Variants in ANK3 observed in about 807,000 individuals in gnomAD.
ANK3 encodes the protein ankyrin-3.
A neutral mutation model predicts 370.9 loss-of-function variants in ANK3; 57 were observed. The ratio of observed to expected loss-of-function variants is 0.15; its 90% confidence interval spans 0.12 to 0.19. The LOEUF is 0.19. Among genes scored for constraint, ANK3 ranks in the 10% least tolerant of loss-of-function variants. ANK3 has a pLI of 1.00. For synonymous variants in ANK3, 1,929 were observed against 1,946.3 expected (o/e 0.99, Z 0.23); for missense variants, 4,439 against 5,302.1 (o/e 0.84, Z 5.06).
intron 23 of ANK3, chr10:60,140,053 G>A (rs1459228064): frequency 1.7e-5 from 8 of 458,624 alleles, no homozygotes; most frequent in Non-Finnish European, 3.1e-5. Context: ...TTTCTCAAAG[G>A]TAAGTGATTC....
chr10:60,063,114 C>G lies in ANK3; in HGVS notation c.12592G>C (p.Asp4198His). Residue 4198 changes from aspartate to histidine, a missense_variant, in exon 40 of 44, where the codon GAT becomes CAT. Around this residue, in one of 13 missense-constraint regions of ANK3, gnomAD observed 242 missense variants for 228.0 expected, o/e 1.06. Transcript: ENST00000280772. ...TATGAACACTAAATTCGATTACCAT[C>G]AACAGGGTCATGGAAAACATTGTTC... ...DENNVFHDPVDGWQNETSSGN... is the reference protein window; with the variant it reads ...DENNVFHDPVHGWQNETSSGN... 1 of 1,610,322 alleles carries G rather than the reference C, an allele frequency of 6.2e-7. No homozygotes were observed. The highest frequency in any genetic ancestry group is 1.1e-5 in the South Asian group (1 of 89,994).
At chr10:60,387,245 G>T (rs2062509507) in intron 1 of ANK3, among the ~76,000 whole-genome samples, 1 of 152,196 alleles carries the variant, frequency 6.6e-6, no homozygotes, top group Middle Eastern at 3.4e-3. Flanking sequence ...TTTAGAAGCA[G>T]CATTTTTTAT....
intron 38 of ANK3, 41 bp downstream of exon 38, chr10:60,067,894 G>A: frequency 1.3e-6 from 2 of 1,495,806 alleles, no homozygotes; most frequent in Non-Finnish European, 1.8e-6. Flanking sequence ...ACAAAGAAAT[G>A]AAGAAACTAA....
chr10:60,068,635 A>G lies in ANK3; in HGVS notation c.12244+2T>C. ...GAGAGACCTGACTGCCTTCATTCTC[A>G]CCAGTCCTTCTACTGCTCCTTTTCT... On this transcript the variant is annotated splice_donor_variant, in intron 37 of 43. Transcript: ENST00000280772. LOFTEE classifies it high-confidence loss of function. 1 of 1,598,104 alleles carries G rather than the reference A, an allele frequency of 6.3e-7. No homozygotes were observed. Among genetic ancestry groups the G allele is most frequent in the Non-Finnish European group, 8.5e-7 (1 of 1,171,616 alleles).
rs1056057480 is a variant in ANK3 at position 60,074,860 on chromosome 10, G to A, written c.6021C>T (p.Ser2007=). 1.2e-6 allele frequency: 2 copies of A among 1,613,562 alleles called. No homozygotes were observed. Among genetic ancestry groups the A allele is most frequent in the Non-Finnish European group, 8.5e-7 (1 of 1,179,918 alleles). The change falls in exon 37 of 44, where the codon AGC becomes AGT. Residue 2007 remains serine (S), a synonymous_variant. Transcript: ENST00000280772. ...CTCTCTCTGGCAGAGATGGAGACTG[G>A]CTCGCAGCAGCTTGTTGTCTGGCTT... ...IREARQQAAA[S]QSPSLPERVQ...
chr10:60,448,859 A>G (rs1394900044), intron 2 of ANK3, among the ~76,000 whole-genome samples: 1 of 152,236 alleles, frequency 6.6e-6, no homozygotes, highest in Admixed American at 6.5e-5. Context: ...ATATTCACAG[A>G]TTATTCAGAG....
At position 60,074,830 on chromosome 10, in the gene ANK3, T is replaced by C; in HGVS notation, c.6051A>G (p.Gln2017=). ...TTTCGGAGGCGGCTTTTGCTTTTAC[T>C]TGCACTCTCTCTGGCAGAGATGGAG... ...SQSPSLPERV[Q]VKAKAASEKD... Residue 2017 remains glutamine (Q), a synonymous_variant, in exon 37 of 44, where the codon CAA becomes CAG. Transcript: ENST00000280772. 2 of 1,613,786 alleles carry C rather than the reference T, an allele frequency of 1.2e-6. No homozygotes were observed. Among genetic ancestry groups the C allele is most frequent in the Non-Finnish European group, 8.5e-7 (1 of 1,179,932 alleles).
At chr10:60,300,497 A>G in intron 1 of ANK3, 1 of 1,253,004 alleles carries the variant, frequency 8.0e-7, no homozygotes. Flanking sequence ...AGAAGCAACT[A>G]ACTAGAGTAT....
chr10:60,569,448 C>T (rs2077540025), intron 2 of ANK3, among the ~76,000 whole-genome samples: 1 of 152,132 alleles, frequency 6.6e-6, no homozygotes, highest in African/African-American at 2.4e-5. Flanking sequence ...GCACCCAGGT[C>T]TCTTCAAGCA....
At chr10:60,089,814 T>A (rs149689551) in intron 28 of ANK3, among the ~76,000 whole-genome samples, 1 of 152,050 alleles carries the variant, frequency 6.6e-6, no homozygotes, top group Non-Finnish European at 1.5e-5. Context: ...ACTGAATATA[T>A]ATAAATCCAC....
chr10:60,250,836 T>A (rs1421018029), intron 7 of ANK3, among the ~76,000 whole-genome samples: 1 of 152,204 alleles, frequency 6.6e-6, no homozygotes, highest in African/African-American at 2.4e-5. Context: ...ATGTATTTAA[T>A]TTATCTCACA....
At chr10:60,102,439 C>G (rs1275195359) in intron 28 of ANK3, among the ~76,000 whole-genome samples, 1 of 152,098 alleles carries the variant, frequency 6.6e-6, no homozygotes, top group Non-Finnish European at 1.5e-5. Flanking sequence ...CACATTTAAA[C>G]CAAGGCTCAG....
At chr10:60,041,438 G>T (rs2076072897) in intron 43 of ANK3, among the ~76,000 whole-genome samples, 1 of 152,200 alleles carries the variant, frequency 6.6e-6, no homozygotes, top group African/African-American at 2.4e-5. Context: ...GCTTGTTCGG[G>T]TTTGTATCCT....
chr10:60,514,085 T>C (rs2076155775), intron 2 of ANK3, among the ~76,000 whole-genome samples: 1 of 152,188 alleles, frequency 6.6e-6, no homozygotes, highest in Non-Finnish European at 1.5e-5. Flanking sequence ...TCCCTCCTTA[T>C]AATTTTCTTA....
rs933687068 is a variant in ANK3 at position 60,186,707 on chromosome 10, T to A, written c.2085+8A>T. 1.2e-6 allele frequency: 2 copies of A among 1,613,698 alleles called. No homozygotes were observed. Among genetic ancestry groups the A allele is most frequent in the Non-Finnish European group, 1.7e-6 (2 of 1,179,748 alleles). On this transcript the variant is annotated splice_region_variant and intron_variant, in intron 17 of 43. Coordinates refer to ENST00000280772, the MANE Select transcript of ANK3 (RefSeq NM_020987.5). The stretch of plus-strand genomic sequence containing the variant: ...GCTGCATGCTTTGTCAAGAAAGAAG[T>A]GGGTTACCTTATTGCTCAGGTTCAC...
chr10:60,139,059 G>C lies in ANK3; in HGVS notation c.2643C>G (p.Asp881Glu). 6.2e-7 allele frequency: 1 copy of C among 1,613,706 alleles called. No individual in the cohort carries two copies. Among genetic ancestry groups the C allele is most frequent in the Admixed American group, 1.7e-5 (1 of 59,978 alleles). Residue 881 changes from aspartate to glutamate, a missense_variant, in exon 24 of 44, where the codon GAC becomes GAG. This residue lies in a region of ANK3 where 702 missense variants were observed against 941.5 expected (regional missense o/e 0.75). Coordinates refer to ENST00000280772, the MANE Select transcript of ANK3 (RefSeq NM_020987.5). Reference protein sequence around the residue: ...EGEDAMTGDTDKYLGPQDLKE... With the variant: ...EGEDAMTGDTEKYLGPQDLKE... Reference sequence around the variant, plus strand: ...TAAGGTCCTGTGGCCCAAGATATTTGTCTGTGTCCCCGGTCATTGCATCTT... The same window carrying C: ...TAAGGTCCTGTGGCCCAAGATATTTCTCTGTGTCCCCGGTCATTGCATCTT...
intron 29 of ANK3, among the ~76,000 whole-genome samples, chr10:60,087,198 A>G (rs896016420): frequency 6.6e-6 from 1 of 152,188 alleles, no homozygotes; most frequent in Non-Finnish European, 1.5e-5. Flanking sequence ...TTAAAGGACA[A>G]TAAATGCTGA....
chr10:60,073,661 A>G lies in ANK3; in HGVS notation c.7220T>C (p.Leu2407Pro). Reference sequence around the variant, plus strand: ...AGGAGTGTTTACTCTGGAAGACTCCAGATAAGAAGGCAATGACTCTTCAGC... The same window carrying G: ...AGGAGTGTTTACTCTGGAAGACTCCGGATAAGAAGGCAATGACTCTTCAGC... ...LTAEESLPSYLESSRVNTPVS... is the reference protein window; with the variant it reads ...LTAEESLPSYPESSRVNTPVS... The change falls in exon 37 of 44, where the codon CTG becomes CCG. Residue 2407 changes from leucine to proline, a missense_variant. Physicochemically the swap from Leu to Pro is moderately conservative, Grantham distance 98. This residue lies in a region of ANK3 where 1,601 missense variants were observed against 1,731.7 expected (regional missense o/e 0.92). Coordinates refer to ENST00000280772, the MANE Select transcript of ANK3 (RefSeq NM_020987.5). 6.2e-7 allele frequency: 1 copy of G among 1,614,096 alleles called. No homozygotes were observed. The highest frequency in any genetic ancestry group is 8.5e-7 in the Non-Finnish European group (1 of 1,180,004).
intron 17 of ANK3, among the ~76,000 whole-genome samples, chr10:60,184,557 T>C (rs2096277198): frequency 6.6e-6 from 1 of 152,260 alleles, no homozygotes; most frequent in African/African-American, 2.4e-5. Context: ...ATATCTCTGC[T>C]TGTGTATCAT....
Sources: gnomAD v4.1 joint callset for allele counts (sites outside exome capture counted in the v4.1 genomes callset) on GRCh38, gnomAD v4.1.1 for gene constraint, gnomAD v4.1.1 regional missense constraint, MANE v1.5 for transcripts, NCBI Gene and HGNC (gene_info 2026-07-23, HGNC 2026-07-21) for gene names.